FAF1: variants seen among roughly 807,000 people sequenced by gnomAD.
The protein encoded by FAF1 is FAS-associated factor 1.
In FAF1, 25 loss-of-function variants were observed where a neutral mutation model predicts 92.5. That is an observed-to-expected ratio of 0.27 (90% CI 0.20 to 0.38). The LOEUF (loss-of-function observed/expected upper bound fraction) is 0.38. Ranked by LOEUF, FAF1 falls within the 10% of genes least tolerant of loss-of-function variation. FAF1 has a pLI of 1.00. For synonymous variants in FAF1, 234 were observed against 273.2 expected, an observed-to-expected ratio of 0.86 and a Z score of 1.42; for missense variants, 636 against 793.3, an observed-to-expected ratio of 0.80 and a Z score of 2.38.
intron 12 of FAF1, among the ~76,000 whole-genome samples, chr1:50,570,374 C>A (rs1650377706): frequency 6.6e-6 from 1 of 152,140 alleles, no homozygotes; most frequent in Admixed American, 6.6e-5. Context: ...TTAATCTTTC[C>A]TTTGTGGTGG....
At chr1:50,542,798 T>C (rs1220358331) in intron 13 of FAF1, among the ~76,000 whole-genome samples, 1 of 151,712 alleles carries the variant, frequency 6.6e-6, no homozygotes, top group Non-Finnish European at 1.5e-5. Flanking sequence ...GACTAACGAG[T>C]TGCCAAATCA....
At chr1:50,787,317 T>C (rs924744493) in intron 4 of FAF1, among the ~76,000 whole-genome samples, 1 of 152,182 alleles carries the variant, frequency 6.6e-6, no homozygotes, top group African/African-American at 2.4e-5. Context: ...AGGTATTGTC[T>C]ATGTGGTAGT....
intron 1 of FAF1, among the ~76,000 whole-genome samples, chr1:50,952,446 C>G (rs1425222372): frequency 6.6e-6 from 1 of 152,244 alleles, no homozygotes; most frequent in Non-Finnish European, 1.5e-5. Context: ...GTGGCGTGAT[C>G]TCGGCTCGCT....
chr1:50,580,088 T>C (rs1474600438), intron 12 of FAF1, among the ~76,000 whole-genome samples: 1 of 152,116 alleles, frequency 6.6e-6, no homozygotes, highest in Non-Finnish European at 1.5e-5. Context: ...AAATATACAG[T>C]ATACCCTAAA....
chr1:50,799,461 A>G (rs568652604), intron 3 of FAF1, among the ~76,000 whole-genome samples: 1 of 152,194 alleles, frequency 6.6e-6, no homozygotes, highest in Admixed American at 6.5e-5. Context: ...CAAAAACCTG[A>G]TTTCAAGAAA....
intron 1 of FAF1, among the ~76,000 whole-genome samples, chr1:50,913,710 T>G (rs1644901943): frequency 6.6e-6 from 1 of 152,078 alleles, no homozygotes; most frequent in South Asian, 2.1e-4. Flanking sequence ...AGGAAAGAAT[T>G]TGTCTATTAC....
intron 2 of FAF1, among the ~76,000 whole-genome samples, chr1:50,808,961 A>G (rs1298408644): frequency 6.6e-6 from 1 of 152,210 alleles, no homozygotes; most frequent in East Asian, 1.9e-4. Flanking sequence ...TATATGCACC[A>G]AACACAGAAG....
intron 15 of FAF1, among the ~76,000 whole-genome samples, chr1:50,514,495 T>C (rs946890916): frequency 6.6e-6 from 1 of 152,230 alleles, no homozygotes; most frequent in African/African-American, 2.4e-5. Flanking sequence ...TTTAATATAA[T>C]GTTAGACTAC....
At chr1:50,847,191 C>T (rs187647546) in intron 2 of FAF1, among the ~76,000 whole-genome samples, 9 of 151,858 alleles carry the variant, frequency 5.9e-5, no homozygotes, top group Admixed American at 3.9e-4. Context: ...CATAATCATG[C>T]AGAAATAAAA....
chr1:50,511,790 T>G (rs1465546737), intron 15 of FAF1, among the ~76,000 whole-genome samples: 2 of 152,210 alleles, frequency 1.3e-5, no homozygotes, highest in Admixed American at 1.3e-4. Flanking sequence ...AAATGGTATT[T>G]CTGGTTCTAG....
chr1:50,717,464 T>A (rs1474922344), intron 6 of FAF1, among the ~76,000 whole-genome samples: 1 of 152,146 alleles, frequency 6.6e-6, no homozygotes, highest in Non-Finnish European at 1.5e-5. Flanking sequence ...CTTTTGACAT[T>A]CACAAATAAA....
intron 2 of FAF1, among the ~76,000 whole-genome samples, chr1:50,826,056 T>C (rs1367127891): frequency 6.6e-6 from 1 of 152,120 alleles, no homozygotes; most frequent in African/African-American, 2.4e-5. Flanking sequence ...ATGATACATA[T>C]TAAGTATGAA....
intron 3 of FAF1, among the ~76,000 whole-genome samples, chr1:50,788,641 TATCTCAC>T (rs1411583072): frequency 6.6e-6 from 1 of 152,158 alleles, no homozygotes; most frequent in Non-Finnish European, 1.5e-5. Context: ...CAATTCTCCC[TATCTCAC>T]ATCTCAGTGT....
intron 9 of FAF1, among the ~76,000 whole-genome samples, chr1:50,593,584 G>A (rs940350929): frequency 6.6e-6 from 1 of 152,048 alleles, no homozygotes; most frequent in East Asian, 1.9e-4. Context: ...TCTTTCACAA[G>A]GGCTAGTGAG....
At chr1:50,696,586 ATTCC>A (rs1013149779) in intron 7 of FAF1, among the ~76,000 whole-genome samples, 9 of 152,220 alleles carry the variant, frequency 5.9e-5, no homozygotes, top group Non-Finnish European at 1.2e-4. Flanking sequence ...ACAGAAAAAG[ATTCC>A]TTCCTAGCCT....
chr1:50,774,175 T>C (rs1660871975), intron 4 of FAF1, among the ~76,000 whole-genome samples: 1 of 152,182 alleles, frequency 6.6e-6, no homozygotes, highest in Non-Finnish European at 1.5e-5. Context: ...GCTGTCTTTC[T>C]TCCCCCAAAA....
intron 1 of FAF1, among the ~76,000 whole-genome samples, chr1:50,890,298 A>T (rs536190615): frequency 1.3e-5 from 2 of 152,048 alleles, no homozygotes; most frequent in Non-Finnish European, 2.9e-5. Context: ...ACACTGATGG[A>T]TCTTGACTCT....
At chr1:50,495,041 G>A (rs1401390646) in intron 15 of FAF1, among the ~76,000 whole-genome samples, 1 of 152,086 alleles carries the variant, frequency 6.6e-6, no homozygotes, top group East Asian at 1.9e-4. Flanking sequence ...TTTGATAGAG[G>A]CATGCAATGG....
chr1:50,837,111 C>A (rs577725112), intron 2 of FAF1, among the ~76,000 whole-genome samples: 1 of 152,014 alleles, frequency 6.6e-6, no homozygotes, highest in South Asian at 2.1e-4. Context: ...GCACCCGCCA[C>A]CATGCCCAGC....
Sources: allele counts gnomAD v4.1 joint callset (sites outside exome capture counted in the v4.1 genomes callset), GRCh38; gene constraint gnomAD v4.1.1; transcripts MANE v1.5; gene names NCBI Gene and HGNC (gene_info 2026-07-23, HGNC 2026-07-21).